Variants in PCNX2 observed in about 807,000 individuals in gnomAD.
PCNX2 encodes pecanex-like protein 2.
PCNX2 carries 168 observed loss-of-function variants against 223.8 expected under a neutral mutation model. The observed-to-expected ratio is 0.75, with a 90% CI of 0.66 to 0.85. The LOEUF (loss-of-function observed/expected upper bound fraction) is 0.85, where lower values mean the gene tolerates loss of function less well. Ranked by LOEUF, PCNX2 falls within the 40% of genes least tolerant of loss-of-function variation. PCNX2 has a pLI of 0.00. For missense variants in PCNX2, 2,507 were observed against 2,675.5 expected (o/e 0.94, Z 1.39); for synonymous variants, 1,006 against 1,052.6 (o/e 0.96, Z 0.86).
rs1423528054 is a variant in PCNX2, at chr1:233,259,899, C to T, written c.518-555G>A. The T allele has an allele frequency of 1.9e-5, 15 of 791,978 alleles. No homozygotes were observed. In the South Asian group the frequency reaches 2.9e-4, roughly 15 times the overall value. 49.1% of individuals were successfully genotyped at this position (791,978 alleles called of 1,614,324 possible). On this transcript the variant is annotated intron_variant, in intron 4 of 33. Transcript: ENST00000258229. ...AAAATAAAACAAATGAAAAGCAATA[C>T]AGTATAACAACTATATATATAGCAT...
chr1:233,187,152 G>A (rs1680148676), intron 15 of PCNX2, among the ~76,000 whole-genome samples: 1 of 152,240 alleles, frequency 6.6e-6, no homozygotes, highest in African/African-American at 2.4e-5. Context: ...TACCTGACTT[G>A]CTGCTTAACA....
chr1:233,122,610 C>G (rs146060794), intron 21 of PCNX2, among the ~76,000 whole-genome samples: 22,738 of 151,268 alleles, frequency 0.15, 1,875 homozygotes, highest in East Asian at 0.24. Flanking sequence ...TGCAACCTCT[C>G]CTTCCTGGCT....
At chr1:233,283,639 A>C (rs550779763) in intron 1 of PCNX2, among the ~76,000 whole-genome samples, 1 of 152,214 alleles carries the variant, frequency 6.6e-6, no homozygotes, top group Non-Finnish European at 1.5e-5. Context: ...CATTGAATTA[A>C]AAAATGAATT....
chr1:233,200,682 T>C (rs1681032220), intron 13 of PCNX2, among the ~76,000 whole-genome samples: 2 of 150,374 alleles, frequency 1.3e-5, no homozygotes, highest in Non-Finnish European at 3.0e-5. Flanking sequence ...ATGGGGGAGA[T>C]GAGGGCAAGA....
At chr1:233,219,807 G>A (rs780093207) in intron 10 of PCNX2, among the ~76,000 whole-genome samples, 12 of 151,876 alleles carry the variant, frequency 7.9e-5, no homozygotes, top group Non-Finnish European at 1.8e-4. Flanking sequence ...ATCACCCAAA[G>A]TCCATAGTTT....
the PCNX2 span, among the ~76,000 whole-genome samples, chr1:233,319,197 C>G: frequency 6.6e-6 from 1 of 152,138 alleles, no homozygotes; most frequent in Non-Finnish European, 1.5e-5. Flanking sequence ...TCTCCACTTC[C>G]TCATCCCTCA....
chr1:233,186,452 G>A (rs774260101), intron 15 of PCNX2, among the ~76,000 whole-genome samples: 3 of 152,068 alleles, frequency 2.0e-5, no homozygotes, highest in Admixed American at 1.3e-4. Context: ...CACACGGCCT[G>A]CGGAGTGTCA....
intron 17 of PCNX2, among the ~76,000 whole-genome samples, chr1:233,170,797 T>C (rs1009094832): frequency 6.6e-6 from 1 of 152,198 alleles, no homozygotes; most frequent in Non-Finnish European, 1.5e-5. Flanking sequence ...TATTTTTTAG[T>C]TTTCCGTTTT....
intron 1 of PCNX2, among the ~76,000 whole-genome samples, chr1:233,294,506 G>A (rs77624946): frequency 1.3e-5 from 2 of 152,046 alleles, no homozygotes; most frequent in Non-Finnish European, 2.9e-5. Context: ...GATTTTTGCT[G>A]TAAAAAAAAT....
At chr1:233,268,188 A>G (rs563788214) in intron 1 of PCNX2, among the ~76,000 whole-genome samples, 155 of 152,350 alleles carry the variant, frequency 1.0e-3, no homozygotes, top group African/African-American at 3.2e-3. Context: ...CTGGGGTTAC[A>G]GGCTTGAGCC....
At position 233,227,469 on chromosome 1, in the gene PCNX2, T is replaced by C. The variant is rs186769389; in HGVS notation, c.2359-98A>G. 616 of 1,032,738 alleles carry C rather than the reference T, an allele frequency of 6.0e-4. 2 individuals carry two copies. The African/African-American group carries it at 8.1e-3, about 14-fold the overall frequency. 64.0% of individuals were successfully genotyped at this position (1,032,738 alleles called of 1,614,324 possible). A position where few individuals can be genotyped will look rare whatever the true frequency, so the allele number is the denominator to read the frequency against. The stretch of plus-strand genomic sequence containing the variant: ...ATATGTATACACACACACACATATA[T>C]ATGTACACCATAATTTAAAAATACA... On this transcript the variant is annotated intron_variant, in intron 9 of 33. Coordinates refer to ENST00000258229, the MANE Select transcript of PCNX2 (RefSeq NM_014801.4).
chr1:233,100,417 CAA>C (rs5781726), intron 21 of PCNX2, among the ~76,000 whole-genome samples: 1,984 of 81,060 alleles, frequency 0.024, 9 homozygotes, highest in East Asian at 0.05. Flanking sequence ...GATTCTGTCT[CAA>C]AAAAAAAAAA....
chr1:233,078,664 A>G (rs1673209127), intron 23 of PCNX2, among the ~76,000 whole-genome samples: 1 of 152,208 alleles, frequency 6.6e-6, no homozygotes, highest in South Asian at 2.1e-4. Flanking sequence ...ACAGCTGGGA[A>G]GCAGCTGGCA....
rs752002998 is a variant in PCNX2 at position 232,984,419 on chromosome 1, C to A, written c.6299G>T (p.Arg2100Leu). 18 of 1,613,596 alleles carry A rather than the reference C, an allele frequency of 1.1e-5. No homozygotes were observed. The highest frequency in any genetic ancestry group is 1.4e-5 in the Non-Finnish European group (16 of 1,179,826). ...DATEQGQLHD[R>L]CLAEAVADTL... Reference sequence around the variant, plus strand: ...GTCCGCCACAGCCTCAGCCAGACATCGGTCATGAAGCTGCCCCTGCTCGGT... The same window carrying A: ...GTCCGCCACAGCCTCAGCCAGACATAGGTCATGAAGCTGCCCCTGCTCGGT... The change falls in exon 34 of 34, where the codon CGA (arginine) becomes CTA (leucine). Residue 2100 changes from arginine (R) to leucine (L), a missense_variant. Transcript: ENST00000258229.
At chr1:233,142,371 C>T (rs1224611920) in intron 19 of PCNX2, among the ~76,000 whole-genome samples, 5 of 152,184 alleles carry the variant, frequency 3.3e-5, no homozygotes, top group East Asian at 1.9e-4. Context: ...GTACAAATGC[C>T]CTCCAACTAC....
upstream of PCNX2, among the ~76,000 whole-genome samples, chr1:233,297,090 C>T (rs1662164157): frequency 6.6e-6 from 1 of 152,182 alleles, no homozygotes; most frequent in South Asian, 2.1e-4. Context: ...TGTATATCTG[C>T]TCAAAATGCT....
chr1:233,000,234 C>T lies in PCNX2; in HGVS notation c.5328+71G>A. The T allele has an allele frequency of 7.0e-7, 1 of 1,433,526 alleles. No homozygotes were observed. The highest frequency in any genetic ancestry group is 1.7e-5 in the Admixed American group (1 of 59,672). The allele number at this position is 1,433,526 out of a possible 1,614,324, so 88.8% of individuals were successfully genotyped here. A position where few individuals can be genotyped will look rare whatever the true frequency, so the allele number is the denominator to read the frequency against. The stretch of plus-strand genomic sequence containing the variant: ...TCCTGTGTCAGTGCCCCCCTGCCCA[C>T]CACCATTCTATTTCTTCTCAGATAG... On this transcript the variant is annotated intron_variant, in intron 30 of 33. Transcript: ENST00000258229. This position sits in a 1 kb window ranked among gnomAD's most constrained non-coding sequence, Gnocchi z 4.6.
rs1670055899 is a variant in PCNX2 at position 233,000,799 on chromosome 1, C to T, written c.5098-264G>A. The stretch of plus-strand genomic sequence containing the variant: ...GATATAGTTTTAGATATAGGTTGGG[C>T]ACTTTTGCTAAGTCATTGTCTCTGC... On this transcript the variant is annotated intron_variant, in intron 29 of 33. Transcript: ENST00000258229. The surrounding 1 kb of genome is among the most constrained non-coding windows in gnomAD (Gnocchi z 4.6). Among the ~76,000 whole-genome samples, 1 of 152,148 alleles carries T rather than the reference C, an allele frequency of 6.6e-6. No individual in the cohort carries two copies. Among genetic ancestry groups the T allele is most frequent in the Non-Finnish European group, 1.5e-5 (1 of 68,040 alleles).
chr1:233,183,288 C>A (rs1355480580), intron 15 of PCNX2, among the ~76,000 whole-genome samples: 1 of 152,156 alleles, frequency 6.6e-6, no homozygotes, highest in East Asian at 1.9e-4. Context: ...ATTTACTTGT[C>A]TGCCTTCACA....
Sources: gnomAD v4.1 joint callset for allele counts (sites outside exome capture counted in the v4.1 genomes callset) on GRCh38, gnomAD v4.1.1 for gene constraint, Gnocchi (gnomAD v3.1) non-coding constraint, MANE v1.5 for transcripts, NCBI Gene and HGNC (gene_info 2026-07-23, HGNC 2026-07-21) for gene names.